STXBP5L: variants seen among roughly 807,000 people sequenced by gnomAD.
STXBP5L encodes syntaxin binding protein 5L, also known as syntaxin-binding protein 5-like.
STXBP5L carries 65 observed loss-of-function variants against 144.5 expected under a neutral mutation model. That is an observed-to-expected ratio of 0.45 (90% CI 0.37 to 0.55). The LOEUF is 0.55. Among genes scored for constraint, STXBP5L ranks in the 20% least tolerant of loss-of-function variants. STXBP5L has a pLI of 0.00. For missense variants in STXBP5L, 1,298 were observed against 1,405.5 expected (o/e 0.92, Z 1.22); for synonymous variants, 505 against 469.6 (o/e 1.08, Z -0.97).
chr3:120,960,577 C>A (rs1206743054), intron 3 of STXBP5L, among the ~76,000 whole-genome samples: 1 of 152,092 alleles, frequency 6.6e-6, no homozygotes, highest in South Asian at 2.1e-4. Context: ...TACTATGCTG[C>A]CATAAAGAAG....
At chr3:121,081,483 G>C (rs1340576653) in intron 5 of STXBP5L, among the ~76,000 whole-genome samples, 2 of 152,080 alleles carry the variant, frequency 1.3e-5, no homozygotes, top group Non-Finnish European at 2.9e-5. Flanking sequence ...CTTAGTTATA[G>C]TCTTTGTCTG....
Position 120,914,148 on chromosome 3 carries a change from T to G in STXBP5L, c.189+4381T>G, listed in dbSNP as rs1049417991. On this transcript the variant is annotated intron_variant, in intron 2 of 26. Coordinates refer to ENST00000471454, the MANE Select transcript of STXBP5L (RefSeq NM_001308330.2). ...CATTCTCATTTTTAAATGATCTTTT[T>G]GGGGGAACAACTCAGAAGTTCTAGA... 2.0e-5 allele frequency among the ~76,000 whole-genome samples: 3 copies of G among 151,994 alleles called. No homozygotes were observed. In the South Asian group the frequency reaches 6.2e-4, roughly 32 times the overall value.
At chr3:121,238,529 C>T (rs141249916) in intron 12 of STXBP5L, among the ~76,000 whole-genome samples, 1 of 152,188 alleles carries the variant, frequency 6.6e-6, no homozygotes, top group African/African-American at 2.4e-5. Context: ...ACATCCAAAC[C>T]ATAGCACTCC....
At chr3:120,982,212 C>T (rs1321378534) in intron 3 of STXBP5L, among the ~76,000 whole-genome samples, 1 of 152,118 alleles carries the variant, frequency 6.6e-6, no homozygotes, top group Admixed American at 6.5e-5. Context: ...TCTTTGTTTA[C>T]TGGGAGGTGC....
At chr3:121,067,625 A>G (rs2041609168) in intron 5 of STXBP5L, among the ~76,000 whole-genome samples, 1 of 152,098 alleles carries the variant, frequency 6.6e-6, no homozygotes, top group Admixed American at 6.5e-5. Context: ...AATTTGACTA[A>G]GTTCATTAAT....
At chr3:120,964,855 A>G (rs1352919564) in intron 3 of STXBP5L, among the ~76,000 whole-genome samples, 1 of 152,108 alleles carries the variant, frequency 6.6e-6, no homozygotes, top group Non-Finnish European at 1.5e-5. Context: ...TGATCTGTCT[A>G]ATTTTGACAG....
chr3:120,977,294 A>G (rs1941169165), intron 3 of STXBP5L, among the ~76,000 whole-genome samples: 1 of 152,154 alleles, frequency 6.6e-6, no homozygotes, highest in African/African-American at 2.4e-5. Context: ...CTTTACCATT[A>G]TGTAATGGCC....
chr3:121,352,850 C>G (rs568224691), intron 20 of STXBP5L, among the ~76,000 whole-genome samples: 4 of 152,094 alleles, frequency 2.6e-5, no homozygotes, highest in African/African-American at 4.8e-5. Flanking sequence ...TTTTGAGATG[C>G]GTTCCATCAA....
At chr3:121,235,758 T>A (rs370040832) in intron 12 of STXBP5L, among the ~76,000 whole-genome samples, 3 of 151,958 alleles carry the variant, frequency 2.0e-5, no homozygotes, top group South Asian at 4.2e-4. Flanking sequence ...ATATAACTAT[T>A]CTTATTTGGG....
chr3:121,130,043 C>T (rs540959186), intron 7 of STXBP5L, among the ~76,000 whole-genome samples: 6 of 152,174 alleles, frequency 3.9e-5, no homozygotes, highest in Non-Finnish European at 4.4e-5. Flanking sequence ...ACTGAACCAA[C>T]TAATTTTTAT....
At position 120,994,138 on chromosome 3, in the gene STXBP5L, T is replaced by G. The variant is rs575852382; in HGVS notation, c.287+39101T>G. 4.6e-5 allele frequency among the ~76,000 whole-genome samples: 7 copies of G among 152,250 alleles called. No homozygotes were observed. The South Asian group carries it at 1.4e-3, about 32-fold the overall frequency. ...TGCTACTGATTTTTGTGTGCCAATT[T>G]TTTTTTGTCCTGCAACTTTAATGAA... On this transcript the variant is annotated intron_variant, in intron 3 of 26. Coordinates refer to ENST00000471454, the MANE Select transcript of STXBP5L (RefSeq NM_001308330.2).
chr3:121,358,795 T>C (rs374384129), intron 20 of STXBP5L, among the ~76,000 whole-genome samples: 3 of 152,358 alleles, frequency 2.0e-5, no homozygotes, highest in East Asian at 3.9e-4. Flanking sequence ...TCCAGTTCCA[T>C]CTATCTTGTT....
At chr3:121,051,838 T>C (rs1442481050) in intron 5 of STXBP5L, among the ~76,000 whole-genome samples, 1 of 151,980 alleles carries the variant, frequency 6.6e-6, no homozygotes, top group Non-Finnish European at 1.5e-5. Context: ...GATAGACCGC[T>C]AGCAAGACTA....
intron 22 of STXBP5L, 83 bp downstream of exon 22, chr3:121,381,615 A>T (rs1034190544): frequency 6.5e-7 from 1 of 1,532,380 alleles, no homozygotes; most frequent in African/African-American, 1.4e-5. Flanking sequence ...ATTTGTATTG[A>T]TTTGGAGCAA....
chr3:120,994,540 G>A (rs1943184994), intron 3 of STXBP5L, among the ~76,000 whole-genome samples: 1 of 151,928 alleles, frequency 6.6e-6, no homozygotes, highest in Non-Finnish European at 1.5e-5. Flanking sequence ...TCTCTGTTTA[G>A]ATGATCATAT....
At position 121,246,377 on chromosome 3, in the gene STXBP5L, T is replaced by C. The variant is rs184049776; in HGVS notation, c.1401-4346T>C. ...TGGTGCCAAAAAGGTTGGGGAGTGC[T>C]CTGTTAGACCACACATCTGTAGATG... On this transcript the variant is annotated intron_variant, in intron 14 of 26. Transcript: ENST00000471454. Among the ~76,000 whole-genome samples the C allele has an allele frequency of 1.2e-4, 18 of 152,322 alleles. No homozygotes were observed. The East Asian group carries it at 3.5e-3, about 29-fold the overall frequency.
At chr3:121,210,214 T>G (rs1476557718) in intron 10 of STXBP5L, among the ~76,000 whole-genome samples, 10 of 152,370 alleles carry the variant, frequency 6.6e-5, no homozygotes, top group Admixed American at 5.2e-4. Flanking sequence ...ATGTGTCTTT[T>G]GGCTGCATAA....
intron 3 of STXBP5L, among the ~76,000 whole-genome samples, chr3:120,981,315 C>G (rs1200355824): frequency 6.6e-6 from 1 of 152,080 alleles, no homozygotes; most frequent in African/African-American, 2.4e-5. Context: ...TTTACATCTT[C>G]TTCTGAAACA....
chr3:121,378,312 T>G (rs1032890298), intron 20 of STXBP5L, among the ~76,000 whole-genome samples: 2 of 152,192 alleles, frequency 1.3e-5, no homozygotes, highest in African/African-American at 4.8e-5. Flanking sequence ...ATTCTGCACA[T>G]GTATCCCAGA....
Sources: allele counts gnomAD v4.1 joint callset (sites outside exome capture counted in the v4.1 genomes callset), GRCh38; gene constraint gnomAD v4.1.1; transcripts MANE v1.5; gene names NCBI Gene and HGNC (gene_info 2026-07-23, HGNC 2026-07-21).